BTBD7: variants seen among roughly 807,000 people sequenced by gnomAD.
BTBD7 encodes the protein BTB domain containing 7, also known as BTB/POZ domain-containing protein 7.
BTBD7 carries 38 observed loss-of-function variants against 99.9 expected under a neutral mutation model. The observed-to-expected ratio is 0.38, with a 90% CI of 0.29 to 0.50. BTBD7 has a LOEUF of 0.50. Ranked by LOEUF, BTBD7 falls within the 20% of genes least tolerant of loss-of-function variation. BTBD7 has a pLI of 0.93. For missense variants in BTBD7, 1,170 were observed against 1,394.6 expected (o/e 0.84, Z 2.57); for synonymous variants, 520 against 511.4 (o/e 1.02, Z -0.23).
intron 3 of BTBD7, among the ~76,000 whole-genome samples, chr14:93,290,974 T>G (rs968214923): frequency 1.3e-5 from 2 of 149,240 alleles, no homozygotes; most frequent in African/African-American, 4.9e-5. Context: ...TGTGGGCCAC[T>G]GTGCTAGGCC....
At chr14:93,307,006 G>A (rs2139795788) in intron 1 of BTBD7, among the ~76,000 whole-genome samples, 1 of 152,242 alleles carries the variant, frequency 6.6e-6, no homozygotes, top group East Asian at 1.9e-4. Flanking sequence ...CAGAGGAAAA[G>A]GTTATGTCTT....
At chr14:93,293,787 T>C in intron 3 of BTBD7, 71 bp downstream of exon 3, 1 of 1,515,874 alleles carries the variant, frequency 6.6e-7, no homozygotes, top group Non-Finnish European at 8.8e-7. Flanking sequence ...TAGAATATAC[T>C]GGTTGTGTTT....
rs192644268 is a variant in BTBD7 at position 93,239,878 on chromosome 14, G to C, written c.*2395C>G. ...AACAGCTCTGGTCTAACATTTGCGG[G>C]GGGGGAAGGGTCAGGGATGAGAGTT... On this transcript the variant is annotated 3_prime_UTR_variant, in exon 11 of 11. Coordinates refer to ENST00000334746, the MANE Select transcript of BTBD7 (RefSeq NM_001002860.4). 15 of 152,490 alleles carry C rather than the reference G, an allele frequency of 9.8e-5. No homozygotes were observed. The South Asian group carries it at 1.0e-3, about 11-fold the overall frequency. 9.4% of individuals were successfully genotyped at this position (152,490 alleles called of 1,614,324 possible). A position where few individuals can be genotyped will look rare whatever the true frequency, so the allele number is the denominator to read the frequency against.
chr14:93,280,588 T>G (rs1049602424), intron 3 of BTBD7, among the ~76,000 whole-genome samples: 4 of 152,092 alleles, frequency 2.6e-5, no homozygotes, highest in Non-Finnish European at 4.4e-5. Context: ...TACCTAAGTA[T>G]GAGATACATA....
chr14:93,272,214 A>C (rs546850382), intron 3 of BTBD7, among the ~76,000 whole-genome samples: 1 of 152,220 alleles, frequency 6.6e-6, no homozygotes, highest in African/African-American at 2.4e-5. Flanking sequence ...CCCGGGAGGT[A>C]GAGATTGCAG....
Position 93,263,791 on chromosome 14 carries a change from G to A in BTBD7, c.1365C>T (p.Tyr455=), listed in dbSNP as rs773110018. Residue 455 remains tyrosine, a synonymous_variant, in exon 4 of 11, where the codon TAC becomes TAT. Coordinates refer to ENST00000334746, the MANE Select transcript of BTBD7 (RefSeq NM_001002860.4). ...DHLLTAIQSD[Y]LQASEQDILK... is the part of the protein sequence containing the mutation. ...GAGGTGTTTAAATGATTACCTGTAG[G>A]TAGTCAGACTGGATAGCAGTAAGCA... is the stretch of plus-strand genomic sequence containing the variant. 45 of 1,613,272 alleles carry A rather than the reference G, an allele frequency of 2.8e-5. No homozygotes were observed. Among genetic ancestry groups the A allele is most frequent in the Middle Eastern group, 1.6e-4 (1 of 6,082 alleles).
At chr14:93,280,012 T>C (rs1206820966) in intron 3 of BTBD7, among the ~76,000 whole-genome samples, 2 of 152,230 alleles carry the variant, frequency 1.3e-5, no homozygotes, top group African/African-American at 4.8e-5. Flanking sequence ...TAATACTGTA[T>C]CCATCTACTT....
rs75036514 is a variant in BTBD7, at chr14:93,262,787, T to G, written c.1371+998A>C. On this transcript the variant is annotated intron_variant, in intron 4 of 10. Coordinates refer to ENST00000334746, the MANE Select transcript of BTBD7 (RefSeq NM_001002860.4). Reference sequence around the variant, plus strand: ...GCAAATCTAGGCTGCTCTCTGTTTTTTTTTTTTTTAATACTTTCTAAGAAG... The same window carrying G: ...GCAAATCTAGGCTGCTCTCTGTTTTGTTTTTTTTTAATACTTTCTAAGAAG... 3.5e-3 allele frequency among the ~76,000 whole-genome samples: 532 copies of G among 152,190 alleles called. 12 individuals carry two copies. In the South Asian group the frequency reaches 0.052, roughly 15 times the overall value.
At chr14:93,306,340 G>C (rs1018648221) in intron 1 of BTBD7, among the ~76,000 whole-genome samples, 1 of 151,700 alleles carries the variant, frequency 6.6e-6, no homozygotes, top group Admixed American at 6.6e-5. Flanking sequence ...AGGCACGGTG[G>C]CTCACGCCTA....
Position 93,332,912 on chromosome 14 carries a change from C to G in BTBD7, c.-199G>C, listed in dbSNP as rs2053471209. ...ACCAGCACCGCCGTCCGCACCGGCGCCAGCACCCCCGGCCATCCTCCTCCC... is the reference window on the plus strand; with the variant it reads ...ACCAGCACCGCCGTCCGCACCGGCGGCAGCACCCCCGGCCATCCTCCTCCC... On this transcript the variant is annotated 5_prime_UTR_variant, in exon 1 of 11. Transcript: ENST00000334746. 1.1e-5 allele frequency: 14 copies of G among 1,277,756 alleles called. No individual in the cohort carries two copies. Among genetic ancestry groups the G allele is most frequent in the Non-Finnish European group, 1.2e-5 (12 of 964,428 alleles). The allele number at this position is 1,277,756 out of a possible 1,614,324, so 79.2% of individuals were successfully genotyped here. A position where few individuals can be genotyped will look rare whatever the true frequency, so the allele number is the denominator to read the frequency against.
At chr14:93,330,600 A>G (rs143232440) in intron 1 of BTBD7, among the ~76,000 whole-genome samples, 99 of 152,336 alleles carry the variant, frequency 6.5e-4, no homozygotes, top group African/African-American at 2.3e-3. Context: ...GGAAAAGTCT[A>G]TATGTTAATG....
intron 1 of BTBD7, among the ~76,000 whole-genome samples, chr14:93,301,449 C>T (rs2053003646): frequency 6.6e-6 from 1 of 151,974 alleles, no homozygotes; most frequent in South Asian, 2.1e-4. Flanking sequence ...CCTTGGCCTC[C>T]CAAATGCTGG....
At chr14:93,282,190 T>C (rs2052727873) in intron 3 of BTBD7, among the ~76,000 whole-genome samples, 1 of 152,244 alleles carries the variant, frequency 6.6e-6, no homozygotes, top group Non-Finnish European at 1.5e-5. Flanking sequence ...GTTTTCACAG[T>C]AACAGCTAAG....
intron 7 of BTBD7, among the ~76,000 whole-genome samples, chr14:93,253,416 G>T (rs1399720555): frequency 6.6e-6 from 1 of 152,126 alleles, no homozygotes; most frequent in Non-Finnish European, 1.5e-5. Flanking sequence ...ACTAAAATGA[G>T]AAAAATATAA....
chr14:93,293,973 C>A lies in BTBD7; in HGVS notation c.1047G>T (p.Gly349=). The change falls in exon 3 of 11, where the codon GGG becomes GGT. Residue 349 remains glycine (G), a synonymous_variant. Coordinates refer to ENST00000334746, the MANE Select transcript of BTBD7 (RefSeq NM_001002860.4). ...LSVLHCSPSV[G]SLSEVQALVA... The stretch of plus-strand genomic sequence containing the variant: ...CGAGAGCCTGAACTTCACTGAGACT[C>A]CCCACAGAGGGGCTACAGTGCAAAA... The A allele has an allele frequency of 6.2e-7, 1 of 1,613,728 alleles. No individual in the cohort carries two copies. Among genetic ancestry groups the A allele is most frequent in the South Asian group, 1.1e-5 (1 of 91,062 alleles).
intron 5 of BTBD7, among the ~76,000 whole-genome samples, chr14:93,258,698 C>T (rs1384903349): frequency 6.6e-6 from 1 of 152,170 alleles, no homozygotes; most frequent in African/African-American, 2.4e-5. Context: ...GATTCTCCTG[C>T]CTCAGCCTCC....
At chr14:93,332,520 C>CCCTCGGG (rs2053452207) in intron 1 of BTBD7, among the ~76,000 whole-genome samples, 1 of 151,702 alleles carries the variant, frequency 6.6e-6, no homozygotes, top group South Asian at 2.1e-4. Flanking sequence ...CGTCGCGACT[C>CCCTCGGG]CCTCGGGCCG....
intron 3 of BTBD7, among the ~76,000 whole-genome samples, chr14:93,286,934 T>G (rs1449655554): frequency 6.6e-6 from 1 of 152,144 alleles, no homozygotes; most frequent in Non-Finnish European, 1.5e-5. Flanking sequence ...GTCATATCTT[T>G]ACATTTAAAA....
intron 1 of BTBD7, among the ~76,000 whole-genome samples, chr14:93,325,985 T>C (rs1461117795): frequency 6.6e-6 from 1 of 152,172 alleles, no homozygotes. Context: ...ATAGTAAGGG[T>C]ATCTGAAAGA....
Sources: allele counts gnomAD v4.1 joint callset (sites outside exome capture counted in the v4.1 genomes callset), GRCh38; gene constraint gnomAD v4.1.1; transcripts MANE v1.5; gene names NCBI Gene and HGNC (gene_info 2026-07-23, HGNC 2026-07-21).